The following BICRAL variants were observed in gnomAD, a reference collection of about 807,000 sequenced individuals.
BICRAL encodes BRD4-interacting chromatin-remodeling complex-associated protein-like.
A neutral mutation model predicts 91.8 loss-of-function variants in BICRAL; 8 were observed. The ratio of observed to expected loss-of-function variants is 0.09; its 90% CI spans 0.05 to 0.16. The LOEUF (loss-of-function observed/expected upper bound fraction) is 0.16. Ranked by LOEUF, BICRAL falls within the 10% of genes least tolerant of loss-of-function variation. BICRAL has a pLI of 1.00. For missense variants in BICRAL, 1,038 were observed against 1,310.9 expected (o/e 0.79, Z 3.21); for synonymous variants, 445 against 491.1 (o/e 0.91, Z 1.24).
intron 1 of BICRAL, among the ~76,000 whole-genome samples, chr6:42,765,940 G>C (rs559796781): frequency 6.6e-5 from 10 of 152,132 alleles, no homozygotes; most frequent in Non-Finnish European, 1.5e-4. Flanking sequence ...GTGGGGATTT[G>C]TTTGTTTGCT....
Position 42,867,022 on chromosome 6 carries a change from C to T in BICRAL, c.*1576C>T, listed in dbSNP as rs955035805. 4 of 336,324 alleles carry T rather than the reference C, an allele frequency of 1.2e-5. No individual in the cohort carries two copies. Among genetic ancestry groups the T allele is most frequent in the Admixed American group, 3.6e-5 (1 of 27,448 alleles). The allele number at this position is 336,324 out of a possible 1,614,324, so 20.8% of individuals were successfully genotyped here. On this transcript the variant is annotated 3_prime_UTR_variant, in exon 13 of 13. Coordinates refer to ENST00000314073, the MANE Select transcript of BICRAL (RefSeq NM_001393499.1). The stretch of plus-strand genomic sequence containing the variant: ...CTCCTTCTTAGTGTGCATACTCTCT[C>T]ATTTATTCTGTTTATCTCCCTGGCT...
At chr6:42,860,995 G>T (rs992084588) in intron 11 of BICRAL, among the ~76,000 whole-genome samples, 2 of 151,856 alleles carry the variant, frequency 1.3e-5, no homozygotes, top group Non-Finnish European at 2.9e-5. Context: ...GCGTGGTGGC[G>T]CATGCCTGTA....
intron 1 of BICRAL, among the ~76,000 whole-genome samples, chr6:42,748,167 G>A (rs979015237): frequency 1.3e-5 from 2 of 148,622 alleles, no homozygotes; most frequent in Non-Finnish European, 3.0e-5. Flanking sequence ...GGGTCTGAAA[G>A]CTGGTGGACA....
intron 1 of BICRAL, among the ~76,000 whole-genome samples, chr6:42,804,840 T>G (rs2113905414): frequency 6.6e-6 from 1 of 152,290 alleles, no homozygotes. Context: ...CTCATAGCAC[T>G]TTATGGTGTG....
rs1195044649 is a variant in BICRAL at position 42,757,105 on chromosome 6, T to A, written c.-261+10082T>A. Among the ~76,000 whole-genome samples, 4 of 151,918 alleles carry A rather than the reference T, an allele frequency of 2.6e-5. No individual in the cohort carries two copies. In the South Asian group the frequency reaches 6.2e-4, roughly 24 times the overall value. On this transcript the variant is annotated intron_variant, in intron 1 of 14. Transcript: ENST00000614467. Reference sequence around the variant, plus strand: ...ATTGCATTCATATGGTCAGAGTATATCACAAAGCCAGCCCAGATTCAAGGG... The same window carrying A: ...ATTGCATTCATATGGTCAGAGTATAACACAAAGCCAGCCCAGATTCAAGGG...
intron 1 of BICRAL, among the ~76,000 whole-genome samples, chr6:42,762,061 CTT>C (rs926195456): frequency 6.6e-6 from 1 of 152,160 alleles, no homozygotes; most frequent in African/African-American, 2.4e-5. Context: ...TCACCACGAC[CTT>C]TTATACTTTT....
At chr6:42,830,572 T>G (rs1764444942) in intron 6 of BICRAL, among the ~76,000 whole-genome samples, 1 of 151,744 alleles carries the variant, frequency 6.6e-6, no homozygotes, top group South Asian at 2.1e-4. Flanking sequence ...AAAAAAAAAT[T>G]TTTTTTTACA....
At chr6:42,844,827 T>A (rs1205559489) in intron 6 of BICRAL, among the ~76,000 whole-genome samples, 1 of 152,172 alleles carries the variant, frequency 6.6e-6, no homozygotes, top group Non-Finnish European at 1.5e-5. Context: ...GAAGAGCTTT[T>A]TTCACAGCTG....
chr6:42,782,740 C>T (rs983056181), intron 1 of BICRAL, among the ~76,000 whole-genome samples: 2 of 151,066 alleles, frequency 1.3e-5, no homozygotes, highest in African/African-American at 4.9e-5. Context: ...TTCCGCCCCC[C>T]GGAGCCGCCG....
At chr6:42,856,927 CTAGT>C (rs967483503) in intron 9 of BICRAL, among the ~76,000 whole-genome samples, 160 bp from the exon 10 acceptor site, 1 of 151,878 alleles carries the variant, frequency 6.6e-6, no homozygotes, top group Non-Finnish European at 1.5e-5. Flanking sequence ...CTCTGTGGGG[CTAGT>C]TAAACTAAGT....
At chr6:42,833,311 G>A (rs1302873470) in intron 6 of BICRAL, among the ~76,000 whole-genome samples, 1 of 151,994 alleles carries the variant, frequency 6.6e-6, no homozygotes, top group Non-Finnish European at 1.5e-5. Context: ...GCCTCCCAAA[G>A]TGCTGGGATT....
At chr6:42,814,241 T>G (rs1457796311) in intron 2 of BICRAL, among the ~76,000 whole-genome samples, 3 of 146,290 alleles carry the variant, frequency 2.1e-5, no homozygotes, top group Non-Finnish European at 4.5e-5. Context: ...GTGGGTTTTT[T>G]TTTTTTTTTT....
intron 1 of BICRAL, among the ~76,000 whole-genome samples, chr6:42,763,426 A>G (rs760203768): frequency 1.3e-5 from 2 of 152,210 alleles, no homozygotes; most frequent in Non-Finnish European, 2.9e-5. Flanking sequence ...GTTAAATAAG[A>G]AGCAAAAAAT....
rs183492508 is a variant in BICRAL, at chr6:42,771,415, G to A, written c.-260-10424G>A. On this transcript the variant is annotated intron_variant, in intron 1 of 14. Transcript: ENST00000614467. ...TCATTTGTTTGTGTTGTTAGGGACCGCCTAGTGAGAAATTGAGCTTCAGGC... is the reference window on the plus strand; with the variant it reads ...TCATTTGTTTGTGTTGTTAGGGACCACCTAGTGAGAAATTGAGCTTCAGGC... Among the ~76,000 whole-genome samples the A allele has an allele frequency of 4.9e-3, 727 of 147,892 alleles. 2 individuals carry two copies. Among genetic ancestry groups the A allele is most frequent in the African/African-American group, 0.017 (689 of 40,384 alleles).
intron 6 of BICRAL, among the ~76,000 whole-genome samples, chr6:42,835,978 A>G (rs1436856408): frequency 6.6e-6 from 1 of 152,226 alleles, no homozygotes; most frequent in Admixed American, 6.5e-5. Context: ...TTAATTAGTA[A>G]GAATGTAAAA....
At chr6:42,822,425 T>C (rs1764166524) in intron 3 of BICRAL, among the ~76,000 whole-genome samples, 2 of 151,156 alleles carry the variant, frequency 1.3e-5, no homozygotes, top group South Asian at 4.2e-4. Context: ...TGTTTTTTTT[T>C]TTTTGTAGAG....
rs965466201 is a variant in BICRAL at position 42,819,505 on chromosome 6, C to T, written c.-5-2513C>T. Among the ~76,000 whole-genome samples, 4 of 152,168 alleles carry T rather than the reference C, an allele frequency of 2.6e-5. No homozygotes were observed. In the East Asian group the frequency reaches 5.8e-4, roughly 22 times the overall value. ...TTCACCGTGTTGGCCAGGCTGATCTCGAACTCCTGACCTCAGGTGATCCAC... is the reference window on the plus strand; with the variant it reads ...TTCACCGTGTTGGCCAGGCTGATCTTGAACTCCTGACCTCAGGTGATCCAC... On this transcript the variant is annotated intron_variant, in intron 2 of 12. Coordinates refer to ENST00000314073, the MANE Select transcript of BICRAL (RefSeq NM_001393499.1).
intron 6 of BICRAL, among the ~76,000 whole-genome samples, chr6:42,840,840 G>A (rs1430560863): frequency 6.6e-6 from 1 of 151,618 alleles, no homozygotes; most frequent in Non-Finnish European, 1.5e-5. Flanking sequence ...TTGGGAGGCC[G>A]AAGCGGGTGG....
intron 1 of BICRAL, among the ~76,000 whole-genome samples, chr6:42,765,339 T>A (rs1299157039): frequency 6.6e-6 from 1 of 152,230 alleles, no homozygotes; most frequent in Non-Finnish European, 1.5e-5. Context: ...TTTGTAGCTC[T>A]GACAATTGGG....
Sources: allele counts gnomAD v4.1 joint callset (sites outside exome capture counted in the v4.1 genomes callset), GRCh38; gene constraint gnomAD v4.1.1; transcripts MANE v1.5; gene names NCBI Gene and HGNC (gene_info 2026-07-23, HGNC 2026-07-21).